PABPN1L: variants seen among roughly 807,000 people sequenced by gnomAD.
PABPN1L encodes PABPN1 like, cytoplasmic.
Under a neutral mutation model 34.0 loss-of-function variants are expected in PABPN1L, and 45 were observed. The observed-to-expected ratio is 1.32, with a 90% CI of 1.04 to 1.70. The LOEUF (loss-of-function observed/expected upper bound fraction) is 1.70, where lower values mean the gene tolerates loss of function less well. Among genes scored for constraint, PABPN1L ranks in the 40% most tolerant of loss-of-function variants. The pLI, the probability that PABPN1L is intolerant of heterozygous loss-of-function variation, is 0.00. For synonymous variants in PABPN1L, 182 were observed against 152.1 expected (o/e 1.20, Z -1.45); for missense variants, 459 against 367.8 (o/e 1.25, Z -2.03).
intron 6 of PABPN1L, 129 bp from the exon 7 acceptor site, chr16:88,863,924 C>T: frequency 1.0e-6 from 1 of 996,382 alleles, no homozygotes; most frequent in Non-Finnish European, 1.5e-6. Flanking sequence ...CCCCAGGGGC[C>T]TTTCTGGTGA....
Position 88,866,342 on chromosome 16 carries a change from C to T in PABPN1L, c.255+10G>A, listed in dbSNP as rs762762228. The T allele has an allele frequency of 1.9e-6, 3 of 1,547,776 alleles. No homozygotes were observed. Among genetic ancestry groups the T allele is most frequent in the South Asian group, 2.4e-5 (2 of 83,950 alleles). On this transcript the variant is annotated intron_variant, in intron 1 of 6. Transcript: ENST00000419291. ...CCCTGAGATCCCCAGGGCCTCCACA[C>T]AGCTGTTACCTGGTCAGGCAATGGG...
upstream of PABPN1L, among the ~76,000 whole-genome samples, chr16:88,867,095 TG>T (rs1001129213): frequency 7.9e-5 from 12 of 151,880 alleles, no homozygotes; most frequent in Admixed American, 1.3e-4. Context: ...GTGCATGGGA[TG>T]AGAGGGCCGA....
chr16:88,868,194 G>A (rs1318091217), upstream of PABPN1L, among the ~76,000 whole-genome samples: 4 of 152,232 alleles, frequency 2.6e-5, no homozygotes, highest in Non-Finnish European at 4.4e-5. Context: ...GCCAGAAGGT[G>A]TCTGAGATGG....
At chr16:88,866,505 G>A (rs1014374349) in exon 1 of PABPN1L, 149 of 1,551,000 alleles carry the variant, frequency 9.6e-5, no homozygotes, top group Middle Eastern at 1.7e-4. Flanking sequence ...CCTTGGTCTC[G>A]TTCCAGGCCC....
At chr16:88,866,504 C>G in exon 1 of PABPN1L, 1 of 1,551,250 alleles carries the variant, frequency 6.4e-7, no homozygotes, top group South Asian at 1.2e-5. Flanking sequence ...TCCTTGGTCT[C>G]GTTCCAGGCC....
intron 6 of PABPN1L, 39 bp downstream of exon 6, chr16:88,864,198 G>A: frequency 6.7e-7 from 1 of 1,483,914 alleles, no homozygotes; most frequent in Non-Finnish European, 9.0e-7. Context: ...CTCCACCATG[G>A]CCCTCGCCCC....
chr16:88,866,281 G>T, intron 1 of PABPN1L, 71 bp downstream of exon 1: 2 of 1,498,828 alleles, frequency 1.3e-6, no homozygotes, highest in South Asian at 1.3e-5. Context: ...CCGTCACCCA[G>T]ACCCCGTGTC....
chr16:88,868,335 G>T (rs1034870197), upstream of PABPN1L, among the ~76,000 whole-genome samples: 3 of 152,118 alleles, frequency 2.0e-5, no homozygotes, highest in Non-Finnish European at 2.9e-5. Context: ...GGGCATGGTG[G>T]CTCACGCCTA....
chr16:88,864,107 G>T (rs1241014617), intron 6 of PABPN1L, 130 bp downstream of exon 6: 5 of 1,254,598 alleles, frequency 4.0e-6, no homozygotes, highest in African/African-American at 3.0e-5. Context: ...AGCAGCCACA[G>T]CCCTCACCCA....
intron 3 of PABPN1L, 86 bp from the exon 4 acceptor site, chr16:88,865,214 A>C: frequency 2.9e-6 from 4 of 1,389,412 alleles, no homozygotes; most frequent in Non-Finnish European, 3.9e-6. Flanking sequence ...AAGAAACCCC[A>C]AGGCTGGGCC....
intron 3 of PABPN1L, 127 bp from the exon 4 acceptor site, chr16:88,865,255 C>G: frequency 1.0e-6 from 1 of 975,530 alleles, no homozygotes; most frequent in Non-Finnish European, 1.5e-6. Context: ...GGCCTCCACC[C>G]CACACCCCCG....
At chr16:88,864,058 A>G (rs1408484845) in intron 6 of PABPN1L, among the ~76,000 whole-genome samples, 179 bp downstream of exon 6, 1 of 138,836 alleles carries the variant, frequency 7.2e-6, no homozygotes, top group Non-Finnish European at 1.5e-5. Flanking sequence ...CTCTCCCAGC[A>G]GAGAGGCTAC....
intron 5 of PABPN1L, 104 bp from the exon 6 acceptor site, chr16:88,864,483 C>G (rs1968535816): frequency 7.0e-7 from 1 of 1,434,814 alleles, no homozygotes; most frequent in Non-Finnish European, 9.2e-7. Context: ...CTGCCCGGCT[C>G]AGGATACCAT....
Position 88,865,946 on chromosome 16 carries a change from C to G in PABPN1L, c.256-5G>C, listed in dbSNP as rs537683283. Reference sequence around the variant, plus strand: ...CATCTTGATGGCCTCCAGCTCCTGCCGACACACGGCCCTGAGCCGGGCAGG... The same window carrying G: ...CATCTTGATGGCCTCCAGCTCCTGCGGACACACGGCCCTGAGCCGGGCAGG... On this transcript the variant is annotated splice_region_variant and splice_polypyrimidine_tract_variant and intron_variant, in intron 1 of 6. Coordinates refer to ENST00000419291, the Ensembl canonical transcript of PABPN1L. 1.9e-6 allele frequency: 3 copies of G among 1,604,640 alleles called. No homozygotes were observed. Among genetic ancestry groups the G allele is most frequent in the Non-Finnish European group, 2.5e-6 (3 of 1,178,720 alleles).
At chr16:88,864,342 G>T in exon 6 of PABPN1L, 2 of 1,556,064 alleles carry the variant, frequency 1.3e-6, no homozygotes, top group Non-Finnish European at 1.7e-6. Flanking sequence ...GCGGTCTGTG[G>T]AGCTGATCCC....
upstream of PABPN1L, among the ~76,000 whole-genome samples, chr16:88,870,063 C>T (rs535109819): frequency 3.9e-5 from 6 of 152,296 alleles, no homozygotes; most frequent in South Asian, 1.0e-3. Flanking sequence ...TGCTGTCCAC[C>T]CTCAGGTCCC....
chr16:88,863,580 C>G (rs1188706092), exon 7 of PABPN1L: 1 of 820,904 alleles, frequency 1.2e-6, no homozygotes, highest in Non-Finnish European at 2.0e-6. Context: ...GTCTGGACCA[C>G]CATACAAGGC....
upstream of PABPN1L, among the ~76,000 whole-genome samples, chr16:88,869,584 G>T (rs1306456225): frequency 2.6e-5 from 4 of 152,242 alleles, no homozygotes; most frequent in African/African-American, 9.6e-5. Context: ...CCTCAGCCTG[G>T]GATCCTCCTG....
Position 88,865,139 on chromosome 16 carries a change from G to C in PABPN1L, c.460-11C>G, listed in dbSNP as rs1219718712. The C allele has an allele frequency of 3.8e-6, 6 of 1,559,702 alleles. No homozygotes were observed. The East Asian group carries it at 1.4e-4, about 38-fold the overall frequency. On this transcript the variant is annotated splice_polypyrimidine_tract_variant and intron_variant, in intron 3 of 6. Coordinates refer to ENST00000419291, the Ensembl canonical transcript of PABPN1L. Reference sequence around the variant, plus strand: ...GCCCCCGTAGTCCACCTGCACCCAGGCCCAGACCAGCATGTGAGGGAGACG... The same window carrying C: ...GCCCCCGTAGTCCACCTGCACCCAGCCCCAGACCAGCATGTGAGGGAGACG...
Sources: gnomAD v4.1 joint callset for allele counts (sites outside exome capture counted in the v4.1 genomes callset) on GRCh38, gnomAD v4.1.1 for gene constraint, MANE v1.5 for transcripts, NCBI Gene and HGNC (gene_info 2026-07-23, HGNC 2026-07-21) for gene names.